Variants in IFT140 observed in about 807,000 individuals in gnomAD.
The protein encoded by IFT140 is intraflagellar transport protein 140 homolog.
IFT140 carries 133 observed loss-of-function variants against 164.6 expected under a neutral mutation model. The ratio of observed to expected loss-of-function variants is 0.81; its 90% CI spans 0.70 to 0.93. The LOEUF (loss-of-function observed/expected upper bound fraction) is 0.93, where lower values mean the gene tolerates loss of function less well. Ranked by LOEUF, IFT140 falls within the 40% of genes least tolerant of loss-of-function variation. The probability of loss-of-function intolerance (pLI) is 0.00; values close to 1 mark genes in which losing one functional copy is unlikely to be tolerated. For synonymous variants in IFT140, 860 were observed against 817.3 expected, an observed-to-expected ratio of 1.05 and a Z score of -0.89; for missense variants, 2,045 against 1,972.3, an observed-to-expected ratio of 1.04 and a Z score of -0.70.
chr16:1,584,000 G>A (rs1484627944), intron 11 of IFT140, among the ~76,000 whole-genome samples: 2 of 152,150 alleles, frequency 1.3e-5, no homozygotes, highest in Non-Finnish European at 2.9e-5. Flanking sequence ...CTCCCAAAGC[G>A]CTGGGATTAC....
At chr16:1,607,003 TAC>T (rs376785546) in intron 3 of IFT140, 115 bp downstream of exon 3, 293 of 966,098 alleles carry the variant, frequency 3.0e-4, no homozygotes, top group Non-Finnish European at 3.7e-4. Flanking sequence ...GATGCATGTA[TAC>T]ACACACACAC....
intron 19 of IFT140, chr16:1,541,569 C>T: frequency 3.4e-6 from 3 of 893,816 alleles, no homozygotes; most frequent in Non-Finnish European, 4.0e-6. Context: ...CTTCCCCTTC[C>T]CACCTCCACC....
At position 1,525,284 on chromosome 16, in the gene IFT140, C is replaced by T. The variant is rs1301119161; in HGVS notation, c.2811G>A (p.Met937Ile). The T allele has an allele frequency of 1.9e-6, 3 of 1,612,856 alleles. No individual in the cohort carries two copies. Among genetic ancestry groups the T allele is most frequent in the African/African-American group, 2.7e-5 (2 of 74,952 alleles). ...CCAGGGACGGCAGGTCCTCCGACAG[C>T]ATCCTGGGCACCTCGAAGCGGTGCG... ...SDTHRFEVPR[M>I]LSEDLPSLEL... Residue 937 changes from methionine (M) to isoleucine (I), a missense_variant, in exon 22 of 31, where the codon ATG becomes ATA. Met to Ile is a conservative substitution (Grantham distance 10, BLOSUM62 1). Coordinates refer to ENST00000426508, the MANE Select transcript of IFT140 (RefSeq NM_014714.4).
At chr16:1,526,502 G>A (rs1177840208) in intron 20 of IFT140, 117 bp downstream of exon 20, 2 of 1,125,988 alleles carry the variant, frequency 1.8e-6, no homozygotes, top group African/African-American at 3.2e-5. Flanking sequence ...ATGCCTCTCG[G>A]CTCTGCCCAC....
At chr16:1,595,593 C>T (rs886379192) in intron 4 of IFT140, among the ~76,000 whole-genome samples, 2 of 146,852 alleles carry the variant, frequency 1.4e-5, no homozygotes, top group African/African-American at 5.0e-5. Context: ...CAGAGTGAGA[C>T]TCCATCTCAG....
At chr16:1,554,121 G>T (rs1396366112) in intron 19 of IFT140, 2 of 1,287,200 alleles carry the variant, frequency 1.6e-6, no homozygotes, top group African/African-American at 1.5e-5. Context: ...TGACTCGGAA[G>T]TGAGGGAAGA....
chr16:1,517,809 G>T (rs867780503), intron 30 of IFT140, among the ~76,000 whole-genome samples: 11 of 152,132 alleles, frequency 7.2e-5, no homozygotes, highest in South Asian at 4.1e-4. Context: ...GCCAGTAACA[G>T]CGTGAGACTG....
chr16:1,554,192 C>A (rs2032904728), intron 19 of IFT140: 1 of 1,189,656 alleles, frequency 8.4e-7, no homozygotes. Context: ...CCTGCCTGAG[C>A]TGCAGACTCC....
At chr16:1,579,502 G>A (rs2034444159) in intron 13 of IFT140, 1 of 152,280 alleles carries the variant, frequency 6.6e-6, no homozygotes, top group Non-Finnish European at 1.5e-5. Context: ...CTGGATTGCA[G>A]ACTTCTGGCT....
intron 13 of IFT140, among the ~76,000 whole-genome samples, chr16:1,572,443 G>T (rs566310983): frequency 2.6e-5 from 4 of 152,146 alleles, no homozygotes; most frequent in Non-Finnish European, 5.9e-5. Context: ...TCAGGAGATC[G>T]AGACCATCCA....
At chr16:1,513,284 T>G (rs567251102) in intron 30 of IFT140, 1 of 152,156 alleles carries the variant, frequency 6.6e-6, no homozygotes, top group African/African-American at 2.4e-5. Context: ...GGTCAGGAGA[T>G]CAAGACCATC....
intron 30 of IFT140, among the ~76,000 whole-genome samples, chr16:1,513,710 GTC>G (rs1567316144): frequency 8.4e-4 from 125 of 147,964 alleles, no homozygotes; most frequent in African/African-American, 3.0e-3. Context: ...GTCTTGCTGT[GTC>G]GCCCAGGCTG....
intron 30 of IFT140, among the ~76,000 whole-genome samples, chr16:1,517,122 G>A (rs2040378735): frequency 6.6e-6 from 1 of 152,200 alleles, no homozygotes; most frequent in Non-Finnish European, 1.5e-5. Flanking sequence ...TGTAATCCCA[G>A]CACTTTGGGA....
chr16:1,530,783 T>G (rs1045575362), intron 19 of IFT140: 2 of 150,322 alleles, frequency 1.3e-5, no homozygotes, highest in Non-Finnish European at 2.9e-5. Flanking sequence ...CTGGGGCCCA[T>G]GTGTGACCGA....
intron 30 of IFT140, among the ~76,000 whole-genome samples, chr16:1,515,782 A>G (rs1004836141): frequency 6.6e-5 from 10 of 152,220 alleles, no homozygotes; most frequent in African/African-American, 2.4e-4. Context: ...AAGAAAATTC[A>G]TCATCAGGAG....
intron 19 of IFT140, among the ~76,000 whole-genome samples, chr16:1,540,360 G>A (rs987374139): frequency 1.7e-4 from 26 of 152,334 alleles, no homozygotes; most frequent in African/African-American, 6.3e-4. Context: ...AAACACTCAC[G>A]AAGTAAAGCA....
rs548249542 is a variant in IFT140, at chr16:1,518,658, G to A, written c.4041-301C>T. Reference sequence around the variant, plus strand: ...GGGGCTAGAAACCTCTGCACAAAGCGTGACCCAGAGGGGATGTGGTGCATG... The same window carrying A: ...GGGGCTAGAAACCTCTGCACAAAGCATGACCCAGAGGGGATGTGGTGCATG... On this transcript the variant is annotated intron_variant, in intron 29 of 30. Transcript: ENST00000426508. Among the ~76,000 whole-genome samples, 24 of 151,946 alleles carry A rather than the reference G, an allele frequency of 1.6e-4. 1 individual carries two copies. Among genetic ancestry groups the A allele is most frequent in the South Asian group, 4.2e-4 (2 of 4,800 alleles).
At chr16:1,559,689 T>C (rs1224242906) in intron 18 of IFT140, among the ~76,000 whole-genome samples, 1 of 152,238 alleles carries the variant, frequency 6.6e-6, no homozygotes, top group Non-Finnish European at 1.5e-5. Context: ...TGATGAGCTT[T>C]GCTAGGTGAG....
intron 13 of IFT140, among the ~76,000 whole-genome samples, chr16:1,578,568 T>G (rs2034391038): frequency 7.2e-6 from 1 of 138,094 alleles, no homozygotes; most frequent in South Asian, 2.4e-4. Flanking sequence ...CATAGTGAGA[T>G]CCTGTCCCTT....
Sources: allele counts gnomAD v4.1 joint callset (sites outside exome capture counted in the v4.1 genomes callset), GRCh38; gene constraint gnomAD v4.1.1; transcripts MANE v1.5; gene names NCBI Gene and HGNC (gene_info 2026-07-23, HGNC 2026-07-21).